Variants in DCC observed in about 807,000 individuals in gnomAD.
DCC encodes netrin receptor DCC.
A neutral mutation model predicts 172.5 loss-of-function variants in DCC; 58 were observed. That is an observed-to-expected ratio of 0.34 (90% CI 0.27 to 0.42). The LOEUF (loss-of-function observed/expected upper bound fraction) is 0.42, where lower values mean the gene tolerates loss of function less well. Among genes scored for constraint, DCC ranks in the 10% least tolerant of loss-of-function variants. DCC has a pLI of 1.00. For missense variants in DCC, 1,740 were observed against 1,791.0 expected, an observed-to-expected ratio of 0.97 and a Z score of 0.51; for synonymous variants, 709 against 644.5, an observed-to-expected ratio of 1.10 and a Z score of -1.52.
intron 5 of DCC, among the ~76,000 whole-genome samples, chr18:52,986,760 A>G (rs966156835): frequency 6.0e-5 from 9 of 150,524 alleles, no homozygotes; most frequent in South Asian, 2.1e-4. Flanking sequence ...ACACACGTGT[A>G]GTATATATAT....
chr18:52,615,355 G>C (rs535911672), intron 1 of DCC, among the ~76,000 whole-genome samples: 121 of 152,228 alleles, frequency 7.9e-4, no homozygotes, highest in African/African-American at 2.7e-3. Context: ...AGATTTACTT[G>C]TATTAATAAT....
intron 1 of DCC, among the ~76,000 whole-genome samples, chr18:52,469,813 A>C (rs1169537647): frequency 6.6e-6 from 1 of 152,208 alleles, no homozygotes; most frequent in African/African-American, 2.4e-5. Flanking sequence ...GCCCTGCATT[A>C]CTGGGACCTC....
At chr18:52,722,863 G>T (rs1299929631) in intron 1 of DCC, among the ~76,000 whole-genome samples, 1 of 151,948 alleles carries the variant, frequency 6.6e-6, no homozygotes, top group African/African-American at 2.4e-5. Context: ...CTTTTGGTGG[G>T]TTATATTTTT....
At chr18:53,411,700 G>T (rs1281632688) in intron 20 of DCC, among the ~76,000 whole-genome samples, 1 of 152,070 alleles carries the variant, frequency 6.6e-6, no homozygotes, top group African/African-American at 2.4e-5. Flanking sequence ...CTGAAAATTT[G>T]CCAACAACAC....
intron 5 of DCC, among the ~76,000 whole-genome samples, chr18:52,998,021 T>C (rs2041509582): frequency 6.6e-6 from 1 of 152,076 alleles, no homozygotes; most frequent in African/African-American, 2.4e-5. Flanking sequence ...TATCACCATA[T>C]AGGCCTGTCT....
At chr18:53,200,915 A>C (rs1322173011) in intron 9 of DCC, among the ~76,000 whole-genome samples, 3 of 152,134 alleles carry the variant, frequency 2.0e-5, no homozygotes, top group African/African-American at 7.2e-5. Flanking sequence ...TTGGAACCTC[A>C]GAAAACTCTG....
At chr18:53,526,526 T>A (rs2270952) in intron 27 of DCC, 91 bp from the exon 28 acceptor site, 176,285 of 1,346,248 alleles carry the variant, frequency 0.13, 13,811 homozygotes, top group Admixed American at 0.33. Flanking sequence ...CTAAAATCAA[T>A]GCCAATCTCC....
intron 5 of DCC, among the ~76,000 whole-genome samples, chr18:52,930,213 C>T (rs1196640129): frequency 6.6e-6 from 1 of 152,096 alleles, no homozygotes; most frequent in Non-Finnish European, 1.5e-5. Flanking sequence ...GATCCTGCCA[C>T]CTTGGCCTCC....
intron 26 of DCC, among the ~76,000 whole-genome samples, chr18:53,494,590 C>T (rs2045997615): frequency 6.6e-6 from 1 of 152,156 alleles, no homozygotes; most frequent in Non-Finnish European, 1.5e-5. Context: ...CTCTTTTGAT[C>T]TTTGTTGGCT....
intron 2 of DCC, among the ~76,000 whole-genome samples, chr18:52,806,057 T>G (rs1033643614): frequency 6.6e-6 from 1 of 152,226 alleles, no homozygotes; most frequent in Non-Finnish European, 1.5e-5. Flanking sequence ...CCCTTAACTG[T>G]TAACATTGAC....
chr18:53,154,743 G>T (rs898119295), intron 7 of DCC, among the ~76,000 whole-genome samples: 1 of 152,118 alleles, frequency 6.6e-6, no homozygotes, highest in African/African-American at 2.4e-5. Context: ...TGGGCTTCGG[G>T]TTTCCAGGCT....
intron 1 of DCC, among the ~76,000 whole-genome samples, chr18:52,658,095 C>A (rs921703939): frequency 6.6e-6 from 1 of 152,152 alleles, no homozygotes; most frequent in Non-Finnish European, 1.5e-5. Flanking sequence ...CATTGACTTC[C>A]TATGTTTATG....
intron 1 of DCC, among the ~76,000 whole-genome samples, chr18:52,487,508 G>T (rs2030284880): frequency 6.6e-6 from 1 of 152,008 alleles, no homozygotes; most frequent in Non-Finnish European, 1.5e-5. Flanking sequence ...TTAATTAGAA[G>T]AATAAACGTT....
At position 53,111,832 on chromosome 18, in the gene DCC, C is replaced by T. The variant is rs373501411; in HGVS notation, c.1262-45524C>T. Among the ~76,000 whole-genome samples, 64 of 151,718 alleles carry T rather than the reference C, an allele frequency of 4.2e-4. 1 individual carries two copies. The highest frequency in any genetic ancestry group is 1.5e-3 in the African/African-American group (64 of 41,466). On this transcript the variant is annotated intron_variant, in intron 7 of 28. Coordinates refer to ENST00000442544, the MANE Select transcript of DCC (RefSeq NM_005215.4). ...AGAAATGAGAACTTGGAGATTCAGC[C>T]AAGCACAAGTCATGTTAGATATTTT... is the stretch of plus-strand genomic sequence containing the variant.
chr18:53,021,580 G>C (rs912269946), intron 5 of DCC, among the ~76,000 whole-genome samples: 2 of 151,998 alleles, frequency 1.3e-5, no homozygotes, highest in East Asian at 1.9e-4. Flanking sequence ...GCATGTGTAT[G>C]TGTGCCTAGA....
chr18:53,203,341 C>T (rs539301155), intron 9 of DCC, among the ~76,000 whole-genome samples: 1 of 151,832 alleles, frequency 6.6e-6, no homozygotes, highest in South Asian at 2.1e-4. Flanking sequence ...CTGTTCTATG[C>T]ACTATCCTCA....
At chr18:53,359,365 C>G (rs1323353150) in intron 15 of DCC, among the ~76,000 whole-genome samples, 1 of 152,138 alleles carries the variant, frequency 6.6e-6, no homozygotes, top group Non-Finnish European at 1.5e-5. Context: ...TACCTGTCAC[C>G]TACCCTTTAT....
chr18:52,898,205 C>T (rs1383165260), intron 2 of DCC, among the ~76,000 whole-genome samples: 1 of 152,148 alleles, frequency 6.6e-6, no homozygotes, highest in Non-Finnish European at 1.5e-5. Flanking sequence ...GGTCTGTCCC[C>T]CAATTGATAA....
intron 27 of DCC, among the ~76,000 whole-genome samples, chr18:53,515,332 A>G (rs945511931): frequency 5.1e-4 from 76 of 150,116 alleles, no homozygotes; most frequent in African/African-American, 1.8e-3. Context: ...AGAAACCCAC[A>G]GCCAATATCA....
Sources: gnomAD v4.1 joint callset for allele counts (sites outside exome capture counted in the v4.1 genomes callset) on GRCh38, gnomAD v4.1.1 for gene constraint, MANE v1.5 for transcripts, NCBI Gene and HGNC (gene_info 2026-07-23, HGNC 2026-07-21) for gene names.